ANKRD52: variants seen among roughly 807,000 people sequenced by gnomAD.
The protein encoded by ANKRD52 is serine/threonine-protein phosphatase 6 regulatory ankyrin repeat subunit C.
A neutral mutation model predicts 116.0 loss-of-function variants in ANKRD52; 7 were observed. The observed-to-expected ratio is 0.06, with a 90% CI of 0.03 to 0.11. The LOEUF (loss-of-function observed/expected upper bound fraction) is 0.11. Ranked by LOEUF, ANKRD52 falls within the 10% of genes least tolerant of loss-of-function variation. ANKRD52 has a pLI of 1.00. For synonymous variants in ANKRD52, 528 were observed against 578.1 expected (o/e 0.91, Z 1.24); for missense variants, 839 against 1,408.6 (o/e 0.60, Z 6.47).
In ANKRD52 at chr12:56,253,441, C is replaced by T; in HGVS notation, c.986-39G>A. 6.5e-7 allele frequency: 1 copy of T among 1,536,048 alleles called. No homozygotes were observed. Among genetic ancestry groups the T allele is most frequent in the East Asian group, 2.3e-5 (1 of 44,378 alleles). On this transcript the variant is annotated intron_variant, in intron 9 of 27. Coordinates refer to ENST00000267116, the MANE Select transcript of ANKRD52 (RefSeq NM_173595.4). This position sits in a 1 kb window ranked among gnomAD's most constrained non-coding sequence, Gnocchi z 5.5. ...CACACACACAAGCTCAGGCAGACCT[C>T]AGGCTTAAGACCACTTTCGCGAGCT... is the stretch of plus-strand genomic sequence containing the variant.
Position 56,252,407 on chromosome 12 carries a change from T to C in ANKRD52, c.1371-92A>G. The stretch of plus-strand genomic sequence containing the variant: ...AGCCAAATGCTGCTTTGTAACATTC[T>C]CCTTATTTAAGTCTCCAATCTAAAC... On this transcript the variant is annotated intron_variant, in intron 13 of 27. Coordinates refer to ENST00000267116, the MANE Select transcript of ANKRD52 (RefSeq NM_173595.4). This position sits in a 1 kb window ranked among gnomAD's most constrained non-coding sequence, Gnocchi z 4.7. The C allele has an allele frequency of 6.3e-7, 1 of 1,593,566 alleles. No homozygotes were observed. Among genetic ancestry groups the C allele is most frequent in the Non-Finnish European group, 8.6e-7 (1 of 1,162,156 alleles).
chr12:56,248,612 G>T lies in ANKRD52; in HGVS notation c.1705-46C>A. On this transcript the variant is annotated intron_variant, in intron 16 of 27. Transcript: ENST00000267116. The surrounding 1 kb of genome is among the most constrained non-coding windows in gnomAD (Gnocchi z 5.1). Reference sequence around the variant, plus strand: ...GGTGCTGAGACTCTGGAACTCCCAAGATAGTACCCCAGTCCCCGACTCGCA... The same window carrying T: ...GGTGCTGAGACTCTGGAACTCCCAATATAGTACCCCAGTCCCCGACTCGCA... The T allele has an allele frequency of 6.5e-7, 1 of 1,542,012 alleles. No individual in the cohort carries two copies. The highest frequency in any genetic ancestry group is 1.2e-5 in the South Asian group (1 of 84,406).
In ANKRD52 at chr12:56,239,597, T is replaced by C. The variant is rs1176499555; in HGVS notation, c.*3545A>G. 1 of 152,082 alleles carries C rather than the reference T, an allele frequency of 6.6e-6. No homozygotes were observed. Among genetic ancestry groups the C allele is most frequent in the Non-Finnish European group, 1.5e-5 (1 of 68,084 alleles). 9.4% of individuals were successfully genotyped at this position (152,082 alleles called of 1,614,324 possible). On this transcript the variant is annotated 3_prime_UTR_variant, in exon 28 of 28. Coordinates refer to ENST00000267116, the MANE Select transcript of ANKRD52 (RefSeq NM_173595.4). ...CCGCTGGAGCAGTCACTGGAGTCAT[T>C]TAGACAAAAACACTCATGTGCATAA...
chr12:56,257,446 C>G, intron 2 of ANKRD52, 85 bp from the exon 3 acceptor site: 1 of 1,190,566 alleles, frequency 8.4e-7, no homozygotes, highest in Non-Finnish European at 1.2e-6. Context: ...GAGCTCCAGG[C>G]CCTTCCCCAC....
rs765420569 is a variant in ANKRD52 at position 56,252,731 on chromosome 12, C to T, written c.1301+49G>A. The T allele has an allele frequency of 1.9e-6, 3 of 1,594,734 alleles. No individual in the cohort carries two copies. The highest frequency in any genetic ancestry group is 1.3e-5 in the African/African-American group (1 of 74,434). On this transcript the variant is annotated intron_variant, in intron 12 of 27. Transcript: ENST00000267116. This position sits in a 1 kb window ranked among gnomAD's most constrained non-coding sequence, Gnocchi z 4.7. ...GCAGGCAAGAATGAGGGGCCCAGAC[C>T]TTTGCCCAGCTCCCTGCTCAAAGCA...
Position 56,253,146 on chromosome 12 carries a change from C to T in ANKRD52, c.1101-60G>A, listed in dbSNP as rs1012286683. ...AAGGAGGGACCAAGTAAGACCTCTT[C>T]TGTGACCTACCACCACCCTAGAGTC... On this transcript the variant is annotated intron_variant, in intron 10 of 27. Transcript: ENST00000267116. The surrounding 1 kb of genome is among the most constrained non-coding windows in gnomAD (Gnocchi z 5.5). 3 of 1,471,928 alleles carry T rather than the reference C, an allele frequency of 2.0e-6. No individual in the cohort carries two copies. The highest frequency in any genetic ancestry group is 1.4e-5 in the African/African-American group (1 of 71,398). 91.2% of individuals were successfully genotyped at this position (1,471,928 alleles called of 1,614,324 possible). A position where few individuals can be genotyped will look rare whatever the true frequency, so the allele number is the denominator to read the frequency against.
chr12:56,244,705 G>T lies in ANKRD52; in HGVS notation c.2669C>A (p.Thr890Asn). 1 of 1,613,940 alleles carries T rather than the reference G, an allele frequency of 6.2e-7. No individual in the cohort carries two copies. The highest frequency in any genetic ancestry group is 8.5e-7 in the Non-Finnish European group (1 of 1,179,904). Residue 890 changes from threonine to asparagine, a missense_variant, in exon 24 of 28, where the codon ACT becomes AAT. Coordinates refer to ENST00000267116, the MANE Select transcript of ANKRD52 (RefSeq NM_173595.4). The surrounding 1 kb of genome is among the most constrained non-coding windows in gnomAD (Gnocchi z 4.9). ...HQAEVNATDH[T>N]GRTALMTAAE... is the part of the protein sequence containing the mutation. ...CGCCGTCATGAGCGCAGTGCGGCCA[G>T]TGTGGTCAGTGGCGTTCACCTCAGC...
intron 15 of ANKRD52, among the ~76,000 whole-genome samples, chr12:56,250,119 C>A (rs536166299): frequency 6.6e-6 from 1 of 152,144 alleles, no homozygotes. Flanking sequence ...ATCGCTTGAA[C>A]CCCGGAGGTA....
chr12:56,257,982 G>C lies in ANKRD52; in HGVS notation c.28-71C>G, dbSNP rs1048871675. ...GAACCGGTGTGGGGGTGGGGGTGGG[G>C]GAGCACCTAGGTTTGAGTGGGGGGC... On this transcript the variant is annotated intron_variant, in intron 1 of 27. Transcript: ENST00000267116. 2.1e-6 allele frequency: 3 copies of C among 1,430,280 alleles called. No homozygotes were observed. The African/African-American group carries it at 4.2e-5, about 20-fold the overall frequency. The allele number at this position is 1,430,280 out of a possible 1,614,324, so 88.6% of individuals were successfully genotyped here. A position where few individuals can be genotyped will look rare whatever the true frequency, so the allele number is the denominator to read the frequency against.
Position 56,252,948 on chromosome 12 carries a change from G to A in ANKRD52, c.1184-51C>T, listed in dbSNP as rs1298361263. On this transcript the variant is annotated intron_variant, in intron 11 of 27. Coordinates refer to ENST00000267116, the MANE Select transcript of ANKRD52 (RefSeq NM_173595.4). This position sits in a 1 kb window ranked among gnomAD's most constrained non-coding sequence, Gnocchi z 4.7. Reference sequence around the variant, plus strand: ...CACATCTGAGAGTGTTCAGCAGGGAGGGAAAGGCCTTTGCTCTCCTATACA... The same window carrying A: ...CACATCTGAGAGTGTTCAGCAGGGAAGGAAAGGCCTTTGCTCTCCTATACA... 1 of 1,599,232 alleles carries A rather than the reference G, an allele frequency of 6.3e-7. No individual in the cohort carries two copies. The highest frequency in any genetic ancestry group is 2.3e-5 in the East Asian group (1 of 44,326).
Position 56,248,399 on chromosome 12 carries a change from C to G in ANKRD52, c.1776+96G>C. ...GCTTATCCCCTCTCCCACAAAAAGG[C>G]AGAAGGAAGGATAACTTCACAAGTG... is the stretch of plus-strand genomic sequence containing the variant. On this transcript the variant is annotated intron_variant, in intron 17 of 27. Coordinates refer to ENST00000267116, the MANE Select transcript of ANKRD52 (RefSeq NM_173595.4). This position sits in a 1 kb window ranked among gnomAD's most constrained non-coding sequence, Gnocchi z 5.1. 6.9e-7 allele frequency: 1 copy of G among 1,457,182 alleles called. No individual in the cohort carries two copies. The highest frequency in any genetic ancestry group is 1.2e-5 in the South Asian group (1 of 83,058). 90.3% of individuals were successfully genotyped at this position (1,457,182 alleles called of 1,614,324 possible).
At position 56,243,276 on chromosome 12, in the gene ANKRD52, T is replaced by C; in HGVS notation, c.3097A>G (p.Ser1033Gly). 9 of 1,614,016 alleles carry C rather than the reference T, an allele frequency of 5.6e-6. No homozygotes were observed. Among genetic ancestry groups the C allele is most frequent in the Non-Finnish European group, 7.6e-6 (9 of 1,179,890 alleles). The change falls in exon 28 of 28, where the codon AGC (serine) becomes GGC (glycine). Residue 1033 changes from serine to glycine, a missense_variant. Ser to Gly is a moderately conservative substitution (Grantham distance 56). Around this residue, in one of 2 missense-constraint regions of ANKRD52, gnomAD observed 552 missense variants for 810.6 expected, o/e 0.68. Coordinates refer to ENST00000267116, the MANE Select transcript of ANKRD52 (RefSeq NM_173595.4). This position sits in a 1 kb window ranked among gnomAD's most constrained non-coding sequence, Gnocchi z 4.6. ...PKDAVSPFSFSLLKNCSIAAA... is the reference protein window; with the variant it reads ...PKDAVSPFSFGLLKNCSIAAA... ...GCAATGCTGCAGTTCTTGAGCAGGC[T>C]GAAGCTGAAAGGACTGACGGCGTCC...
At position 56,245,542 on chromosome 12, in the gene ANKRD52, C is replaced by G; in HGVS notation, c.2239G>C (p.Val747Leu). 1 of 1,610,368 alleles carries G rather than the reference C, an allele frequency of 6.2e-7. No homozygotes were observed. The stretch of plus-strand genomic sequence containing the variant: ...CGGCCCTTAAAGTCTCGGCACAGCA[C>G]AAATGCGTCGTGGTCCAGCAGGGCA... Reference protein sequence around the residue: ...LAALLDHDAFVLCRDFKGRTP... With the variant: ...LAALLDHDAFLLCRDFKGRTP... Residue 747 changes from valine (V) to leucine (L), a missense_variant, in exon 21 of 28, where the codon GTG becomes CTG. By Grantham distance (32) the Val-to-Leu change is conservative (BLOSUM62 1). Around this residue, in one of 2 missense-constraint regions of ANKRD52, gnomAD observed 552 missense variants for 810.6 expected, o/e 0.68. Coordinates refer to ENST00000267116, the MANE Select transcript of ANKRD52 (RefSeq NM_173595.4).
At chr12:56,257,476 T>C in intron 2 of ANKRD52, 115 bp from the exon 3 acceptor site, 1 of 976,514 alleles carries the variant, frequency 1.0e-6, no homozygotes, top group Non-Finnish European at 1.6e-6. Context: ...CCATAGTTTC[T>C]GCAGCGTCCT....
chr12:56,243,987 G>C lies in ANKRD52; in HGVS notation c.2888+64C>G, dbSNP rs975797718. 5.0e-6 allele frequency: 8 copies of C among 1,605,688 alleles called. No individual in the cohort carries two copies. In the African/African-American group the frequency reaches 8.0e-5, roughly 16 times the overall value. ...ATGGGCTCCAGAGAGCCTCTGAACAGCGGCCACTCTTTCATCACCCACTGG... is the reference window on the plus strand; with the variant it reads ...ATGGGCTCCAGAGAGCCTCTGAACACCGGCCACTCTTTCATCACCCACTGG... On this transcript the variant is annotated intron_variant, in intron 26 of 27. Transcript: ENST00000267116. This position sits in a 1 kb window ranked among gnomAD's most constrained non-coding sequence, Gnocchi z 4.6.
chr12:56,253,904 T>C lies in ANKRD52; in HGVS notation c.907-104A>G. 7.2e-7 allele frequency: 1 copy of C among 1,387,750 alleles called. No homozygotes were observed. 86.0% of individuals were successfully genotyped at this position (1,387,750 alleles called of 1,614,324 possible). ...GGACATATCTCTAAGGACAAAAGGG[T>C]CATATGGCACCTTCTTAGCCCACTC... On this transcript the variant is annotated intron_variant, in intron 8 of 27. Transcript: ENST00000267116. The surrounding 1 kb of genome is among the most constrained non-coding windows in gnomAD (Gnocchi z 5.5).
Position 56,248,345 on chromosome 12 carries a change from G to T in ANKRD52, c.1777-121C>A. 1.4e-6 allele frequency: 2 copies of T among 1,411,592 alleles called. No homozygotes were observed. The highest frequency in any genetic ancestry group is 2.0e-6 in the Non-Finnish European group (2 of 1,018,664). 87.4% of individuals were successfully genotyped at this position (1,411,592 alleles called of 1,614,324 possible). On this transcript the variant is annotated intron_variant, in intron 17 of 27. Transcript: ENST00000267116. This position sits in a 1 kb window ranked among gnomAD's most constrained non-coding sequence, Gnocchi z 5.1. ...TCTTAGTCCTTGACAAGCTCCTTGGGCCCCTTAAGGCTTCCTACCCTGCAC... is the reference window on the plus strand; with the variant it reads ...TCTTAGTCCTTGACAAGCTCCTTGGTCCCCTTAAGGCTTCCTACCCTGCAC...
intron 1 of ANKRD52, 91 bp from the exon 2 acceptor site, chr12:56,258,002 G>C: frequency 7.4e-7 from 1 of 1,352,938 alleles, no homozygotes; most frequent in Non-Finnish European, 1.0e-6. Context: ...GGTTTGAGTG[G>C]GGGGCGTCCG....
At chr12:56,249,904 G>A (rs1349665437) in intron 15 of ANKRD52, among the ~76,000 whole-genome samples, 1 of 152,208 alleles carries the variant, frequency 6.6e-6, no homozygotes, top group Admixed American at 6.5e-5. Flanking sequence ...GCCAGGCGTG[G>A]CAGCGTGCTC....
Sources: allele counts gnomAD v4.1 joint callset (sites outside exome capture counted in the v4.1 genomes callset), GRCh38; gene constraint gnomAD v4.1.1; regional missense constraint gnomAD v4.1.1; non-coding constraint Gnocchi (gnomAD v3.1); transcripts MANE v1.5; gene names NCBI Gene and HGNC (gene_info 2026-07-23, HGNC 2026-07-21).